The following PREX1 variants were observed in gnomAD, a reference collection of about 807,000 sequenced individuals.
PREX1 encodes the protein phosphatidylinositol 3,4,5-trisphosphate-dependent Rac exchanger 1 protein.
PREX1 carries 41 observed loss-of-function variants against 198.3 expected under a neutral mutation model. The observed-to-expected ratio is 0.21, with a 90% CI of 0.16 to 0.27. PREX1 has a LOEUF of 0.27. PREX1 is among the 10% of genes least tolerant of loss of function. The pLI is 1.00. For missense variants in PREX1, 1,620 were observed against 2,200.7 expected, an observed-to-expected ratio of 0.74 and a Z score of 5.28; for synonymous variants, 843 against 887.2, an observed-to-expected ratio of 0.95 and a Z score of 0.89.
At chr20:48,662,178 A>G (rs556649831) in intron 15 of PREX1, among the ~76,000 whole-genome samples, 36 of 152,276 alleles carry the variant, frequency 2.4e-4, no homozygotes, top group Non-Finnish European at 4.6e-4. Flanking sequence ...ACAGACACAC[A>G]AATTGCCACT....
rs2089503001 is a variant in PREX1, at chr20:48,652,149, C to T, written c.2467+437G>A. 3.3e-5 allele frequency among the ~76,000 whole-genome samples: 5 copies of T among 152,162 alleles called. No homozygotes were observed. In the South Asian group the frequency reaches 1.0e-3, roughly 32 times the overall value. ...AACTGACATAACATCGTGGGCATCG[C>T]GGCCGTGCGCAGTGGTGCACACCTG... On this transcript the variant is annotated intron_variant, in intron 21 of 39. Transcript: ENST00000371941.
At chr20:48,833,997 C>T in the PREX1 span, among the ~76,000 whole-genome samples, 1 of 151,764 alleles carries the variant, frequency 6.6e-6, no homozygotes, top group African/African-American at 2.4e-5. Flanking sequence ...CGGAGAATGG[C>T]GTGAACCCGG....
At chr20:48,727,445 C>A (rs982337500) in intron 4 of PREX1, among the ~76,000 whole-genome samples, 1 of 151,992 alleles carries the variant, frequency 6.6e-6, no homozygotes, top group Non-Finnish European at 1.5e-5. Flanking sequence ...GGAATGTATT[C>A]TCTTCCCCAA....
the PREX1 span, among the ~76,000 whole-genome samples, chr20:48,858,035 G>A: frequency 5.3e-5 from 8 of 152,368 alleles, no homozygotes; most frequent in South Asian, 1.0e-3. Flanking sequence ...GGTACGGGCC[G>A]ATGGCAGCGG....
chr20:48,867,691 A>G, the PREX1 span, among the ~76,000 whole-genome samples: 1 of 71,114 alleles, frequency 1.4e-5, no homozygotes, highest in Non-Finnish European at 3.2e-5. Context: ...ATCGCTTGAG[A>G]GGCTGAGGCA....
At chr20:48,694,945 G>A (rs1311552923) in intron 7 of PREX1, among the ~76,000 whole-genome samples, 1 of 152,022 alleles carries the variant, frequency 6.6e-6, no homozygotes, top group Admixed American at 6.5e-5. Flanking sequence ...ATGAGGGTGT[G>A]TATGTGTGTG....
chr20:48,787,482 C>A (rs1157474891), intron 1 of PREX1, among the ~76,000 whole-genome samples: 1 of 151,964 alleles, frequency 6.6e-6, no homozygotes, highest in Non-Finnish European at 1.5e-5. Flanking sequence ...CCCGGCCAGC[C>A]GGGGTCCACA....
chr20:48,799,436 G>T (rs1007165146), intron 1 of PREX1, among the ~76,000 whole-genome samples: 1 of 152,116 alleles, frequency 6.6e-6, no homozygotes, highest in Non-Finnish European at 1.5e-5. Flanking sequence ...ACTGTCAGTG[G>T]CATCCTAAAA....
At position 48,827,785 on chromosome 20, in the gene PREX1, C is replaced by T. The variant is rs2090516562; in HGVS notation, c.76G>A (p.Gly26Ser). 1 of 1,130,416 alleles carries T rather than the reference C, an allele frequency of 8.8e-7. No homozygotes were observed. Among genetic ancestry groups the T allele is most frequent in the African/African-American group, 1.7e-5 (1 of 59,912 alleles). The allele number at this position is 1,130,416 out of a possible 1,614,324, so 70.0% of individuals were successfully genotyped here. The change falls in exon 1 of 40, where the codon GGC becomes AGC. Residue 26 changes from glycine (G) to serine (S), a missense_variant. Around this residue, in one of 7 missense-constraint regions of PREX1, gnomAD observed 96 missense variants for 98.7 expected, o/e 0.97. Coordinates refer to ENST00000371941, the MANE Select transcript of PREX1 (RefSeq NM_020820.4). The surrounding 1 kb of genome is among the most constrained non-coding windows in gnomAD (Gnocchi z 4.1). ...GGGCCGGAGCTGGGCGCCGCGGCGC[C>T]AGGGGCCCGGGGGTCCGGGTGGGCG... ...DCAHPDPRAP[G>S]AAAPSSGPGP... is the part of the protein sequence containing the mutation.
At chr20:48,779,071 G>A (rs1377850912) in intron 1 of PREX1, among the ~76,000 whole-genome samples, 1 of 152,134 alleles carries the variant, frequency 6.6e-6, no homozygotes. Context: ...CAAAAGACAA[G>A]CTACAGATGG....
chr20:48,848,552 C>T, the PREX1 span, among the ~76,000 whole-genome samples: 428 of 151,932 alleles, frequency 2.8e-3, 6 homozygotes, highest in Admixed American at 0.021. Context: ...CCACCACACC[C>T]GGCCTATTAT....
chr20:48,790,677 G>C (rs1189073635), intron 1 of PREX1, among the ~76,000 whole-genome samples: 1 of 152,102 alleles, frequency 6.6e-6, no homozygotes, highest in Non-Finnish European at 1.5e-5. Flanking sequence ...GCAGAGAAAG[G>C]ATCAGGGGCC....
chr20:48,743,989 A>AGTG (rs398040780), intron 3 of PREX1, among the ~76,000 whole-genome samples: 19 of 139,916 alleles, frequency 1.4e-4, no homozygotes, highest in African/African-American at 4.2e-4. Flanking sequence ...GAAGTGAGTT[A>AGTG]GTGATGATGA....
chr20:48,715,787 A>G (rs1334825184), intron 5 of PREX1, among the ~76,000 whole-genome samples: 1 of 152,226 alleles, frequency 6.6e-6, no homozygotes, highest in African/African-American at 2.4e-5. Flanking sequence ...GCTAGCATCT[A>G]CTAAGTACTT....
intron 1 of PREX1, among the ~76,000 whole-genome samples, chr20:48,752,217 G>C (rs1307399683): frequency 6.6e-6 from 1 of 152,238 alleles, no homozygotes; most frequent in Non-Finnish European, 1.5e-5. Context: ...TTCTCTCCCT[G>C]CAAGGTACTT....
chr20:48,736,048 C>T (rs115174798), intron 3 of PREX1, among the ~76,000 whole-genome samples: 182 of 152,276 alleles, frequency 1.2e-3, no homozygotes, highest in African/African-American at 4.3e-3. Flanking sequence ...GGTTTCCTCA[C>T]CTGCAAAATG....
chr20:48,777,961 A>G (rs575385278), intron 1 of PREX1, among the ~76,000 whole-genome samples: 4 of 152,304 alleles, frequency 2.6e-5, no homozygotes, highest in Non-Finnish European at 4.4e-5. Context: ...AACAGAAGCC[A>G]TGCAAGGAAA....
intron 19 of PREX1, 90 bp from the exon 20 acceptor site, chr20:48,653,587 C>A: frequency 6.6e-7 from 1 of 1,508,766 alleles, no homozygotes; most frequent in South Asian, 1.2e-5. Flanking sequence ...CACTGCAACC[C>A]CAGACACGCG....
At chr20:48,659,879 C>T in intron 16 of PREX1, 40 bp downstream of exon 16, 1 of 1,612,366 alleles carries the variant, frequency 6.2e-7, no homozygotes. Context: ...CTGCAGGGGG[C>T]TCTGGCAAGG....
Sources: gnomAD v4.1 joint callset for allele counts (sites outside exome capture counted in the v4.1 genomes callset) on GRCh38, gnomAD v4.1.1 for gene constraint, gnomAD v4.1.1 regional missense constraint, Gnocchi (gnomAD v3.1) non-coding constraint, MANE v1.5 for transcripts, NCBI Gene and HGNC (gene_info 2026-07-23, HGNC 2026-07-21) for gene names.